Variants in CXCR1 observed in about 807,000 individuals in gnomAD.
The protein encoded by CXCR1 is C-X-C chemokine receptor type 1.
For missense variants in CXCR1, 419 were observed against 440.5 expected (o/e 0.95, Z 0.44); for synonymous variants, 180 against 184.7 (o/e 0.97, Z 0.21).
rs567767370 is a variant in CXCR1 at position 218,164,500 on chromosome 2, G to A, written c.712C>T (p.His238Tyr). The A allele has an allele frequency of 6.2e-7, 1 of 1,614,224 alleles. No individual in the cohort carries two copies. The highest frequency in any genetic ancestry group is 2.2e-5 in the East Asian group (1 of 44,892). Residue 238 changes from histidine (H) to tyrosine (Y), a missense_variant, in exon 2 of 2, where the codon CAC becomes TAC. By Grantham distance (83) the His-to-Tyr change is moderately conservative. Coordinates refer to ENST00000295683, the MANE Select transcript of CXCR1 (RefSeq NM_000634.3). ...GCAAAGATGACCCTCATGGCTCGGT[G>A]CTTCTGCCCCATGTGGGCCTTAAAC... Reference protein sequence around the residue: ...TLFKAHMGQKHRAMRVIFAVV... With the variant: ...TLFKAHMGQKYRAMRVIFAVV...
rs932871035 is a variant in CXCR1, at chr2:218,163,795, C to T, written c.*364G>A. 4.4e-5 allele frequency: 13 copies of T among 297,468 alleles called. No homozygotes were observed. The highest frequency in any genetic ancestry group is 2.3e-4 in the Admixed American group (6 of 25,642). The allele number at this position is 297,468 out of a possible 1,614,324, so 18.4% of individuals were successfully genotyped here. On this transcript the variant is annotated 3_prime_UTR_variant, in exon 2 of 2. Coordinates refer to ENST00000295683, the MANE Select transcript of CXCR1 (RefSeq NM_000634.3). Reference sequence around the variant, plus strand: ...GAGGAGATGCTCCTGTGAGGGTCAACGAGAGCATCCAGCCCTCATGAGGAC... The same window carrying T: ...GAGGAGATGCTCCTGTGAGGGTCAATGAGAGCATCCAGCCCTCATGAGGAC...
At position 218,164,155 on chromosome 2, in the gene CXCR1, G is replaced by A; in HGVS notation, c.*4C>T. On this transcript the variant is annotated 3_prime_UTR_variant, in exon 2 of 2. Coordinates refer to ENST00000295683, the MANE Select transcript of CXCR1 (RefSeq NM_000634.3). ...GAGAAGAGATATTCCTTCATCGATGGTTTTCAGAGGTTGGAAGAGACATTG... is the reference window on the plus strand; with the variant it reads ...GAGAAGAGATATTCCTTCATCGATGATTTTCAGAGGTTGGAAGAGACATTG... 4 of 1,613,904 alleles carry A rather than the reference G, an allele frequency of 2.5e-6. No homozygotes were observed. Among genetic ancestry groups the A allele is most frequent in the Non-Finnish European group, 3.4e-6 (4 of 1,180,000 alleles).
In CXCR1 at chr2:218,163,115, A is replaced by T. The variant is rs574008173; in HGVS notation, c.*1044T>A. On this transcript the variant is annotated 3_prime_UTR_variant, in exon 2 of 2. Coordinates refer to ENST00000295683, the MANE Select transcript of CXCR1 (RefSeq NM_000634.3). Reference sequence around the variant, plus strand: ...TTTCCTTTTACTTGTGGACAAAGGGATCTTCCTTGGCCAGGGGTATGGGCA... The same window carrying T: ...TTTCCTTTTACTTGTGGACAAAGGGTTCTTCCTTGGCCAGGGGTATGGGCA... 6.6e-6 allele frequency: 1 copy of T among 152,404 alleles called. No individual in the cohort carries two copies. The highest frequency in any genetic ancestry group is 1.5e-5 in the Non-Finnish European group (1 of 68,102). 9.4% of individuals were successfully genotyped at this position (152,404 alleles called of 1,614,324 possible).
At chr2:218,166,389 G>A (rs1357251915) in intron 1 of CXCR1, among the ~76,000 whole-genome samples, 4 of 152,150 alleles carry the variant, frequency 2.6e-5, no homozygotes, top group African/African-American at 4.8e-5. Context: ...AGTGAGCCGA[G>A]ATCGTGCCAC....
In CXCR1 at chr2:218,165,130, T is replaced by G; in HGVS notation, c.82A>C (p.Ser28Arg). The change falls in exon 2 of 2, where the codon AGC becomes CGC. Residue 28 changes from serine (S) to arginine (R), a missense_variant. By Grantham distance (110) the Ser-to-Arg change is moderately radical. Transcript: ENST00000295683. ...TGMPPADEDY[S>R]PCMLETETLN... is the part of the protein sequence containing the mutation. The stretch of plus-strand genomic sequence containing the variant: ...GTCTCAGTTTCTAGCATACAGGGGC[T>G]GTAATCTTCATCTGCAGGTGGCATG... The G allele has an allele frequency of 6.2e-7, 1 of 1,614,238 alleles. No individual in the cohort carries two copies. Among genetic ancestry groups the G allele is most frequent in the African/African-American group, 1.3e-5 (1 of 75,068 alleles).
Position 218,164,922 on chromosome 2 carries a change from G to T in CXCR1, c.290C>A (p.Ala97Asp). Residue 97 changes from alanine (A) to aspartate (D), a missense_variant, in exon 2 of 2, where the codon GCC becomes GAC. Physicochemically the swap from Ala to Asp is moderately radical, Grantham distance 126. Coordinates refer to ENST00000295683, the MANE Select transcript of CXCR1 (RefSeq NM_000634.3). ...LFALTLPIWA[A>D]SKVNGWIFGT... ...AAAAATCCAGCCATTCACCTTGGAG[G>T]CGGCCCAGATGGGCAAGGTCAGGGC... 6.2e-7 allele frequency: 1 copy of T among 1,614,234 alleles called. No homozygotes were observed. Among genetic ancestry groups the T allele is most frequent in the Non-Finnish European group, 8.5e-7 (1 of 1,180,050 alleles).
At position 218,163,515 on chromosome 2, in the gene CXCR1, G is replaced by C. The variant is rs1559461508; in HGVS notation, c.*644C>G. On this transcript the variant is annotated 3_prime_UTR_variant, in exon 2 of 2. Coordinates refer to ENST00000295683, the MANE Select transcript of CXCR1 (RefSeq NM_000634.3). ...CATGTGTCTGCGATGTTGGTCATGG[G>C]GGTAAAGGGGGTTCTTGTGGCATAG... 6.4e-6 allele frequency: 1 copy of C among 156,408 alleles called. No homozygotes were observed. The highest frequency in any genetic ancestry group is 6.1e-5 in the Admixed American group (1 of 16,262). The allele number at this position is 156,408 out of a possible 1,614,324, so 9.7% of individuals were successfully genotyped here.
chr2:218,164,296 C>T lies in CXCR1; in HGVS notation c.916G>A (p.Ala306Thr), dbSNP rs201583693. The T allele has an allele frequency of 1.3e-5, 21 of 1,612,274 alleles. No individual in the cohort carries two copies. The highest frequency in any genetic ancestry group is 4.0e-5 in the African/African-American group (3 of 74,858). Reference sequence around the variant, plus strand: ...TGGCGAAAATTTTGGCCGATGAAGGCGTAGATGATGGGGTTGAGGCAGCTA... The same window carrying T: ...TGGCGAAAATTTTGGCCGATGAAGGTGTAGATGATGGGGTTGAGGCAGCTA... The part of the protein sequence containing the change: ...LHSCLNPIIY[A>T]FIGQNFRHGF... Residue 306 changes from alanine (A) to threonine (T), a missense_variant, in exon 2 of 2, where the codon GCC becomes ACC. Transcript: ENST00000295683.
At position 218,163,959 on chromosome 2, in the gene CXCR1, G is replaced by T. The variant is rs374653295; in HGVS notation, c.*200C>A. The T allele has an allele frequency of 1.6e-6, 1 of 621,438 alleles. No individual in the cohort carries two copies. Among genetic ancestry groups the T allele is most frequent in the Non-Finnish European group, 2.9e-6 (1 of 349,066 alleles). 38.5% of individuals were successfully genotyped at this position (621,438 alleles called of 1,614,324 possible). A position where few individuals can be genotyped will look rare whatever the true frequency, so the allele number is the denominator to read the frequency against. On this transcript the variant is annotated 3_prime_UTR_variant, in exon 2 of 2. Transcript: ENST00000295683. ...TCGTTTCCATGGAGGTGCAAAGGCCGGTCCTTGGAGGTACCTCAACAGCTC... is the reference window on the plus strand; with the variant it reads ...TCGTTTCCATGGAGGTGCAAAGGCCTGTCCTTGGAGGTACCTCAACAGCTC...
At position 218,166,890 on chromosome 2, in the gene CXCR1, A is replaced by G. The variant is rs148159773; in HGVS notation, c.-34+18T>C. On this transcript the variant is annotated intron_variant, in intron 1 of 1. Coordinates refer to ENST00000295683, the MANE Select transcript of CXCR1 (RefSeq NM_000634.3). Reference sequence around the variant, plus strand: ...CCTACCCCACAGAAAGTCCTAGCAAACAGAGGTGGCTTCCTACCTGAAGCA... The same window carrying G: ...CCTACCCCACAGAAAGTCCTAGCAAGCAGAGGTGGCTTCCTACCTGAAGCA... 1 of 152,374 alleles carries G rather than the reference A, an allele frequency of 6.6e-6. No homozygotes were observed. The highest frequency in any genetic ancestry group is 1.9e-4 in the East Asian group (1 of 5,222). 9.4% of individuals were successfully genotyped at this position (152,374 alleles called of 1,614,324 possible).
In CXCR1 at chr2:218,164,324, G is replaced by A. The variant is rs1691239785; in HGVS notation, c.888C>T (p.Leu296=). The change falls in exon 2 of 2, where the codon CTC becomes CTT. Residue 296 remains leucine (L), a synonymous_variant. Coordinates refer to ENST00000295683, the MANE Select transcript of CXCR1 (RefSeq NM_000634.3). ...ALDATEILGF[L]HSCLNPIIYA... is the part of the protein sequence containing the mutation. Reference sequence around the variant, plus strand: ...AGATGATGGGGTTGAGGCAGCTATGGAGAAATCCCAGAATCTCAGTGGCAT... The same window carrying A: ...AGATGATGGGGTTGAGGCAGCTATGAAGAAATCCCAGAATCTCAGTGGCAT... 2 of 1,612,100 alleles carry A rather than the reference G, an allele frequency of 1.2e-6. No individual in the cohort carries two copies. Among genetic ancestry groups the A allele is most frequent in the African/African-American group, 1.3e-5 (1 of 74,972 alleles).
At chr2:218,165,609 A>G (rs1252434595) in intron 1 of CXCR1, among the ~76,000 whole-genome samples, 2 of 152,214 alleles carry the variant, frequency 1.3e-5, no homozygotes, top group Non-Finnish European at 2.9e-5. Flanking sequence ...GGTTGGTCTT[A>G]GACATTCAGG....
chr2:218,164,703 G>C lies in CXCR1; in HGVS notation c.509C>G (p.Pro170Arg). The C allele has an allele frequency of 6.2e-7, 1 of 1,614,164 alleles. No homozygotes were observed. Among genetic ancestry groups the C allele is most frequent in the Non-Finnish European group, 8.5e-7 (1 of 1,180,036 alleles). The change falls in exon 2 of 2, where the codon CCC (proline) becomes CGC (arginine). Residue 170 changes from proline to arginine, a missense_variant. By Grantham distance (103) the Pro-to-Arg change is moderately radical (BLOSUM62 -2). Coordinates refer to ENST00000295683, the MANE Select transcript of CXCR1 (RefSeq NM_000634.3). ...CWGLSMNLSL[P>R]FFLFRQAYHP... Reference sequence around the variant, plus strand: ...GTAAGCCTGGCGGAAAAGGAAGAAGGGCAGGGACAGATTCATAGACAGTCC... The same window carrying C: ...GTAAGCCTGGCGGAAAAGGAAGAAGCGCAGGGACAGATTCATAGACAGTCC...
At position 218,164,947 on chromosome 2, in the gene CXCR1, C is replaced by A. The variant is rs1208942964; in HGVS notation, c.265G>T (p.Ala89Ser). The part of the protein sequence containing the change: ...LNLALADLLF[A>S]LTLPIWAASK... ...GCGGCCCAGATGGGCAAGGTCAGGG[C>A]AAAGAGTAGGTCGGCCAAGGCCAGG... Residue 89 changes from alanine to serine, a missense_variant, in exon 2 of 2, where the codon GCC becomes TCC. Physicochemically the swap from Ala to Ser is moderately conservative, Grantham distance 99. Transcript: ENST00000295683. The A allele has an allele frequency of 6.2e-7, 1 of 1,614,194 alleles. No homozygotes were observed. Among genetic ancestry groups the A allele is most frequent in the East Asian group, 2.2e-5 (1 of 44,884 alleles).
At chr2:218,165,366 C>T in intron 1 of CXCR1, 122 bp from the exon 2 acceptor site, 2 of 748,726 alleles carry the variant, frequency 2.7e-6, no homozygotes, top group Non-Finnish European at 4.5e-6. Flanking sequence ...AATGAGAGCT[C>T]TCCTTCCTCC....
At position 218,164,134 on chromosome 2, in the gene CXCR1, A is replaced by C; in HGVS notation, c.*25T>G. 7 of 1,610,790 alleles carry C rather than the reference A, an allele frequency of 4.3e-6. No homozygotes were observed. The highest frequency in any genetic ancestry group is 5.1e-6 in the Non-Finnish European group (6 of 1,178,110). ...TGTTGGTTATTCTTTCCTTCTGAGA[A>C]GAGATATTCCTTCATCGATGGTTTT... is the stretch of plus-strand genomic sequence containing the variant. On this transcript the variant is annotated 3_prime_UTR_variant, in exon 2 of 2. Transcript: ENST00000295683.
rs2106119876 is a variant in CXCR1, at chr2:218,163,286, C to T, written c.*873G>A. 1 of 152,846 alleles carries T rather than the reference C, an allele frequency of 6.5e-6. No homozygotes were observed. Among genetic ancestry groups the T allele is most frequent in the Non-Finnish European group, 1.5e-5 (1 of 68,298 alleles). 9.5% of individuals were successfully genotyped at this position (152,846 alleles called of 1,614,324 possible). A position where few individuals can be genotyped will look rare whatever the true frequency, so the allele number is the denominator to read the frequency against. On this transcript the variant is annotated 3_prime_UTR_variant, in exon 2 of 2. Transcript: ENST00000295683. ...AACAGCCAACAATGCTGCACACACCCTTGACTCTGTCACAACCAAGATACT... is the reference window on the plus strand; with the variant it reads ...AACAGCCAACAATGCTGCACACACCTTTGACTCTGTCACAACCAAGATACT...
intron 1 of CXCR1, among the ~76,000 whole-genome samples, chr2:218,165,454 A>T (rs1467341520): frequency 6.6e-6 from 1 of 152,162 alleles, no homozygotes; most frequent in Non-Finnish European, 1.5e-5. Context: ...GCCTGGCCTG[A>T]GTGTGGGGTA....
In CXCR1 at chr2:218,165,140, A is replaced by C; in HGVS notation, c.72T>G (p.Asp24Glu). 2 of 1,614,226 alleles carry C rather than the reference A, an allele frequency of 1.2e-6. No homozygotes were observed. Among genetic ancestry groups the C allele is most frequent in the Non-Finnish European group, 1.7e-6 (2 of 1,180,036 alleles). ...CTAGCATACAGGGGCTGTAATCTTCATCTGCAGGTGGCATGCCAGTGAAAT... is the reference window on the plus strand; with the variant it reads ...CTAGCATACAGGGGCTGTAATCTTCCTCTGCAGGTGGCATGCCAGTGAAAT... ...DLNFTGMPPA[D>E]EDYSPCMLET... Residue 24 changes from aspartate (D) to glutamate (E), a missense_variant, in exon 2 of 2, where the codon GAT becomes GAG. Coordinates refer to ENST00000295683, the MANE Select transcript of CXCR1 (RefSeq NM_000634.3).
Sources: allele counts gnomAD v4.1 joint callset (sites outside exome capture counted in the v4.1 genomes callset), GRCh38; gene constraint gnomAD v4.1.1; transcripts MANE v1.5; gene names NCBI Gene and HGNC (gene_info 2026-07-23, HGNC 2026-07-21).